SHISA9: variants seen among roughly 807,000 people sequenced by gnomAD.
The protein encoded by SHISA9 is protein shisa-9.
SHISA9 carries 13 observed loss-of-function variants against 38.0 expected under a neutral mutation model. The observed-to-expected ratio is 0.34, with a 90% CI of 0.22 to 0.54. SHISA9 has a LOEUF of 0.54. Ranked by LOEUF, SHISA9 falls within the 20% of genes least tolerant of loss-of-function variation. The pLI, the probability that SHISA9 is intolerant of heterozygous loss-of-function variation, is 0.91. For missense variants in SHISA9, 538 were observed against 575.8 expected (o/e 0.93, Z 0.67); for synonymous variants, 275 against 242.0 (o/e 1.14, Z -1.27).
At chr16:13,527,494 G>A in the SHISA9 span, among the ~76,000 whole-genome samples, 2 of 152,226 alleles carry the variant, frequency 1.3e-5, no homozygotes, top group Non-Finnish European at 2.9e-5. Flanking sequence ...AAGTGAGAGA[G>A]AAAAGATCTG....
At chr16:13,516,253 A>T in the SHISA9 span, among the ~76,000 whole-genome samples, 1 of 152,232 alleles carries the variant, frequency 6.6e-6, no homozygotes, top group Non-Finnish European at 1.5e-5. Flanking sequence ...CCATGTTTGC[A>T]CACAGGCAGG....
At chr16:13,067,735 G>T (rs1441141329) in intron 2 of SHISA9, among the ~76,000 whole-genome samples, 1 of 152,180 alleles carries the variant, frequency 6.6e-6, no homozygotes, top group Non-Finnish European at 1.5e-5. Context: ...GCTGGCCTTT[G>T]CTCACGTCCC....
At chr16:13,176,646 A>C (rs910527838) in intron 2 of SHISA9, among the ~76,000 whole-genome samples, 2 of 152,098 alleles carry the variant, frequency 1.3e-5, no homozygotes, top group Non-Finnish European at 2.9e-5. Flanking sequence ...TCCTGCTTAC[A>C]TAACTAGTGA....
chr16:13,307,919 A>G, the SHISA9 span, among the ~76,000 whole-genome samples: 3 of 152,200 alleles, frequency 2.0e-5, no homozygotes, highest in African/African-American at 7.2e-5. Context: ...CCTTCCAGCA[A>G]TTAGTGTTGG....
chr16:13,243,477 A>G (rs954606778), downstream of SHISA9, among the ~76,000 whole-genome samples: 1 of 152,226 alleles, frequency 6.6e-6, no homozygotes, highest in African/African-American at 2.4e-5. Flanking sequence ...AAATTTAAAC[A>G]TTTTCTGGTT....
the SHISA9 span, among the ~76,000 whole-genome samples, chr16:13,456,650 C>A: frequency 4.6e-5 from 7 of 152,174 alleles, no homozygotes; most frequent in Non-Finnish European, 8.8e-5. Flanking sequence ...GACAGTTTAA[C>A]AGTGTGATTT....
At chr16:12,940,194 A>G (rs1262196043) in intron 2 of SHISA9, among the ~76,000 whole-genome samples, 1 of 152,190 alleles carries the variant, frequency 6.6e-6, no homozygotes, top group Non-Finnish European at 1.5e-5. Context: ...TCTGAGGCAG[A>G]GGCCAGAGCT....
chr16:13,127,675 AGG>A (rs1487195225), intron 2 of SHISA9, among the ~76,000 whole-genome samples: 5 of 152,160 alleles, frequency 3.3e-5, no homozygotes, highest in African/African-American at 1.2e-4. Context: ...ACTGGGCTCC[AGG>A]GTAAGCTTAG....
chr16:13,392,831 A>G, the SHISA9 span, among the ~76,000 whole-genome samples: 2 of 152,198 alleles, frequency 1.3e-5, no homozygotes, highest in Admixed American at 6.5e-5. Context: ...AGCACCAAAG[A>G]CTGCCTGCAA....
At chr16:13,356,441 G>A in the SHISA9 span, among the ~76,000 whole-genome samples, 1 of 152,146 alleles carries the variant, frequency 6.6e-6, no homozygotes, top group African/African-American at 2.4e-5. Context: ...AACCTTGACT[G>A]TGCCTTTAGC....
At chr16:12,945,005 G>A (rs2071670456) in intron 2 of SHISA9, among the ~76,000 whole-genome samples, 1 of 152,194 alleles carries the variant, frequency 6.6e-6, no homozygotes, top group South Asian at 2.1e-4. Flanking sequence ...ACGTGCCCCA[G>A]AGTCATTGCA....
chr16:13,528,421 A>T, the SHISA9 span, among the ~76,000 whole-genome samples: 1 of 152,114 alleles, frequency 6.6e-6, no homozygotes, highest in Admixed American at 6.6e-5. Context: ...TCAAAAAAAA[A>T]AATAAGAAAA....
intron 2 of SHISA9, among the ~76,000 whole-genome samples, chr16:12,975,983 T>C (rs1226623445): frequency 4.6e-5 from 7 of 152,138 alleles, no homozygotes; most frequent in Non-Finnish European, 8.8e-5. Context: ...AATCAAACTT[T>C]TACTGTGATT....
At chr16:13,076,212 G>A (rs2073580109) in intron 2 of SHISA9, among the ~76,000 whole-genome samples, 1 of 151,980 alleles carries the variant, frequency 6.6e-6, no homozygotes, top group African/African-American at 2.4e-5. Context: ...TGTATTTTTA[G>A]TAGAGACGGG....
intron 2 of SHISA9, among the ~76,000 whole-genome samples, chr16:13,018,648 C>G (rs1317794209): frequency 6.6e-6 from 1 of 152,208 alleles, no homozygotes; most frequent in East Asian, 1.9e-4. Context: ...CCAGGAGAGG[C>G]ACTGCAGCTG....
At chr16:13,438,136 G>T in the SHISA9 span, among the ~76,000 whole-genome samples, 1 of 152,132 alleles carries the variant, frequency 6.6e-6, no homozygotes, top group Admixed American at 6.5e-5. Context: ...AAAGTGCTGG[G>T]ATTACAGATG....
chr16:13,019,952 TTTCTTTCCC>T (rs2072827699), intron 2 of SHISA9, among the ~76,000 whole-genome samples: 1 of 59,212 alleles, frequency 1.7e-5, no homozygotes. Context: ...TCTTTCTTTC[TTTCTTTCCC>T]TCCTTCTTTC....
chr16:13,489,233 T>C, the SHISA9 span, among the ~76,000 whole-genome samples: 1 of 151,970 alleles, frequency 6.6e-6, no homozygotes. Context: ...TATTTTTAGT[T>C]GAAGCAGGGT....
At chr16:13,093,366 G>A (rs927026839) in intron 2 of SHISA9, among the ~76,000 whole-genome samples, 1 of 152,174 alleles carries the variant, frequency 6.6e-6, no homozygotes. Context: ...GCCTCAGTTT[G>A]TTCATCTATA....
Sources: allele counts gnomAD v4.1 joint callset (sites outside exome capture counted in the v4.1 genomes callset), GRCh38; gene constraint gnomAD v4.1.1; transcripts MANE v1.5; gene names NCBI Gene and HGNC (gene_info 2026-07-23, HGNC 2026-07-21).